MACROD1: variants seen among roughly 807,000 people sequenced by gnomAD.
MACROD1 encodes the protein ADP-ribose glycohydrolase MACROD1.
In MACROD1, 31 loss-of-function variants were observed where a neutral mutation model predicts 41.4. The ratio of observed to expected loss-of-function variants is 0.75; its 90% confidence interval spans 0.56 to 1.01. MACROD1 has a LOEUF of 1.01. MACROD1 is among the 50% of genes least tolerant of loss of function. The pLI, the probability that MACROD1 is intolerant of heterozygous loss-of-function variation, is 0.00. For synonymous variants in MACROD1, 252 were observed against 203.4 expected (o/e 1.24, Z -2.03); for missense variants, 473 against 460.0 (o/e 1.03, Z -0.26).
intron 3 of MACROD1, among the ~76,000 whole-genome samples, chr11:64,111,180 G>A (rs888717294): frequency 1.3e-5 from 2 of 152,248 alleles, no homozygotes; most frequent in Non-Finnish European, 2.9e-5. Context: ...CAGGGAATGC[G>A]GTGGCTTGCC....
At position 64,073,592 on chromosome 11, in the gene MACROD1, C is replaced by T. The variant is rs185088782; in HGVS notation, c.518-58311G>A. Among the ~76,000 whole-genome samples the T allele has an allele frequency of 2.8e-3, 434 of 152,350 alleles. 2 individuals carry two copies. Among genetic ancestry groups the T allele is most frequent in the African/African-American group, 0.01 (417 of 41,582 alleles). ...TGCCGTGCTGAGGCCACTGGCCTGG[C>T]CCAGGTACGGCAGGTGCAGGCCAGA... On this transcript the variant is annotated intron_variant, in intron 3 of 10. Coordinates refer to ENST00000255681, the MANE Select transcript of MACROD1 (RefSeq NM_014067.4).
intron 4 of MACROD1, among the ~76,000 whole-genome samples, chr11:64,005,174 C>A (rs1942890058): frequency 2.0e-5 from 3 of 152,076 alleles, no homozygotes; most frequent in African/African-American, 2.4e-5. Flanking sequence ...GGATTACAGG[C>A]GTGTGCCATG....
At chr11:64,139,302 C>T (rs748056924) in intron 3 of MACROD1, among the ~76,000 whole-genome samples, 3 of 152,340 alleles carry the variant, frequency 2.0e-5, no homozygotes, top group South Asian at 4.1e-4. Context: ...TAAACAGCCG[C>T]GTCCCTGCCC....
chr11:64,150,483 T>G (rs1278411176), intron 3 of MACROD1, among the ~76,000 whole-genome samples: 1 of 151,972 alleles, frequency 6.6e-6, no homozygotes, highest in Non-Finnish European at 1.5e-5. Context: ...CTTCCTCCAA[T>G]GCTTGGTGCA....
chr11:64,001,877 C>A (rs967374466), intron 4 of MACROD1: 8 of 660,102 alleles, frequency 1.2e-5, no homozygotes, highest in Non-Finnish European at 2.0e-5. Context: ...CACATCCTGG[C>A]TCTGCCAGCC....
At chr11:64,107,387 T>C (rs1004296683) in intron 3 of MACROD1, among the ~76,000 whole-genome samples, 5 of 151,038 alleles carry the variant, frequency 3.3e-5, no homozygotes. Context: ...AACACTGTTA[T>C]CAATATAATT....
chr11:64,093,361 T>C (rs973730608), intron 3 of MACROD1, among the ~76,000 whole-genome samples: 1 of 152,180 alleles, frequency 6.6e-6, no homozygotes, highest in African/African-American at 2.4e-5. Context: ...TCACGGCCCA[T>C]TGGGAAAAGA....
At chr11:64,110,714 A>C (rs1431957008) in intron 3 of MACROD1, among the ~76,000 whole-genome samples, 1 of 152,182 alleles carries the variant, frequency 6.6e-6, no homozygotes, top group African/African-American at 2.4e-5. Context: ...CGTAACTCAC[A>C]CCACGCTGAA....
intron 3 of MACROD1, among the ~76,000 whole-genome samples, chr11:64,023,987 C>T (rs1284997297): frequency 6.6e-6 from 1 of 152,150 alleles, no homozygotes; most frequent in Non-Finnish European, 1.5e-5. Flanking sequence ...GACCCAAGCT[C>T]CTGGCCAGTC....
intron 3 of MACROD1, chr11:64,118,189 C>T (rs999434228): frequency 6.2e-7 from 1 of 1,613,322 alleles, no homozygotes; most frequent in South Asian, 1.1e-5. Context: ...ATCTTCCCCT[C>T]CAACGGCAGC....
At chr11:64,060,890 G>C (rs1943888074) in intron 3 of MACROD1, among the ~76,000 whole-genome samples, 1 of 152,094 alleles carries the variant, frequency 6.6e-6, no homozygotes, top group South Asian at 2.1e-4. Flanking sequence ...TGTCAGCCCC[G>C]CCCCCGAGGC....
intron 3 of MACROD1, among the ~76,000 whole-genome samples, chr11:64,099,415 G>A (rs1429094979): frequency 6.6e-6 from 1 of 152,236 alleles, no homozygotes; most frequent in Non-Finnish European, 1.5e-5. Context: ...GAATATGTTT[G>A]CTGGATGGAG....
rs187228862 is a variant in MACROD1 at position 64,031,584 on chromosome 11, T to A, written c.518-16303A>T. ...ACCTCCGCCTCCCAGGTTCAAGTGA[T>A]TCTCCTGCCTCAGCCTTCCCAGTAG... On this transcript the variant is annotated intron_variant, in intron 3 of 10. Transcript: ENST00000255681. 9.1e-3 allele frequency among the ~76,000 whole-genome samples: 1,376 copies of A among 151,356 alleles called. 27 individuals are homozygous for A. Among genetic ancestry groups the A allele is most frequent in the African/African-American group, 0.032 (1,308 of 41,022 alleles).
chr11:64,043,367 T>C (rs320138), intron 3 of MACROD1, among the ~76,000 whole-genome samples: 5,029 of 152,236 alleles, frequency 0.033, 266 homozygotes, highest in African/African-American at 0.11. Flanking sequence ...GGAAGGCTTG[T>C]GGGGCACTGC....
chr11:64,080,579 G>C (rs1944285204), intron 3 of MACROD1, among the ~76,000 whole-genome samples: 1 of 152,192 alleles, frequency 6.6e-6, no homozygotes, highest in Non-Finnish European at 1.5e-5. Flanking sequence ...AAGACACCCA[G>C]TACAGTGCTC....
At chr11:64,021,371 G>A (rs1023152881) in intron 3 of MACROD1, among the ~76,000 whole-genome samples, 1 of 152,236 alleles carries the variant, frequency 6.6e-6, no homozygotes, top group African/African-American at 2.4e-5. Flanking sequence ...TGCCTCTGCT[G>A]TTCCCCTGAC....
intron 3 of MACROD1, among the ~76,000 whole-genome samples, chr11:64,097,409 A>C (rs771490372): frequency 2.6e-5 from 4 of 152,230 alleles, no homozygotes; most frequent in Non-Finnish European, 5.9e-5. Flanking sequence ...TCCCGTGGCA[A>C]GAGAAGCTCC....
chr11:64,153,256 G>A (rs1250551769), intron 1 of MACROD1, among the ~76,000 whole-genome samples: 1 of 152,194 alleles, frequency 6.6e-6, no homozygotes, highest in East Asian at 1.9e-4. Context: ...CTGCTGGCCC[G>A]AGGCCGCCTG....
intron 4 of MACROD1, among the ~76,000 whole-genome samples, chr11:64,004,578 G>A (rs1942879570): frequency 6.6e-6 from 1 of 152,230 alleles, no homozygotes; most frequent in East Asian, 1.9e-4. Flanking sequence ...ACCCCAACCC[G>A]CAGGCCTGGA....
Sources: gnomAD v4.1 joint callset for allele counts (sites outside exome capture counted in the v4.1 genomes callset) on GRCh38, gnomAD v4.1.1 for gene constraint, MANE v1.5 for transcripts, NCBI Gene and HGNC (gene_info 2026-07-23, HGNC 2026-07-21) for gene names.